The following DIAPH1 variants were observed in gnomAD, a reference collection of about 807,000 sequenced individuals.
The protein encoded by DIAPH1 is protein diaphanous homolog 1.
DIAPH1 carries 46 observed loss-of-function variants against 140.7 expected under a neutral mutation model. That is an observed-to-expected ratio of 0.33 (90% CI 0.26 to 0.42). The LOEUF (loss-of-function observed/expected upper bound fraction) is 0.42. Ranked by LOEUF, DIAPH1 falls within the 10% of genes least tolerant of loss-of-function variation. The probability of loss-of-function intolerance (pLI) is 1.00; values close to 1 mark genes in which losing one functional copy is unlikely to be tolerated. For synonymous variants in DIAPH1, 565 were observed against 551.6 expected (o/e 1.02, Z -0.34); for missense variants, 1,310 against 1,558.7 (o/e 0.84, Z 2.69).
intron 1 of DIAPH1, among the ~76,000 whole-genome samples, chr5:141,594,161 T>C (rs1333994912): frequency 6.6e-6 from 1 of 152,208 alleles, no homozygotes; most frequent in Non-Finnish European, 1.5e-5. Flanking sequence ...TCGAAGAGTT[T>C]CACAGTTTCT....
At position 141,578,362 on chromosome 5, in the gene DIAPH1, G is replaced by C; in HGVS notation, c.1045-19C>G. 6.3e-7 allele frequency: 1 copy of C among 1,599,468 alleles called. No individual in the cohort carries two copies. The highest frequency in any genetic ancestry group is 8.6e-7 in the Non-Finnish European group (1 of 1,166,676). On this transcript the variant is annotated intron_variant, in intron 10 of 27. Transcript: ENST00000389054. ...GAAGGTCCTGTCAACAACAAAAGTAGAAGTCAGGGAACCCAAAAGTATCCT... is the reference window on the plus strand; with the variant it reads ...GAAGGTCCTGTCAACAACAAAAGTACAAGTCAGGGAACCCAAAAGTATCCT...
Position 141,516,794 on chromosome 5 carries a change from G to A in DIAPH1, c.*57C>T. The stretch of plus-strand genomic sequence containing the variant: ...CCCCTTGAGCCTTTAGGCACATGCT[G>A]CAGGGCAGGACAGTCTGCGGCTCCG... On this transcript the variant is annotated 3_prime_UTR_variant, in exon 28 of 28. Coordinates refer to ENST00000389054, the MANE Select transcript of DIAPH1 (RefSeq NM_005219.5). 1 of 1,606,690 alleles carries A rather than the reference G, an allele frequency of 6.2e-7. No individual in the cohort carries two copies. Among genetic ancestry groups the A allele is most frequent in the East Asian group, 2.2e-5 (1 of 44,856 alleles).
intron 27 of DIAPH1, among the ~76,000 whole-genome samples, chr5:141,520,583 T>C (rs987235830): frequency 2.6e-5 from 4 of 152,196 alleles, no homozygotes; most frequent in African/African-American, 9.7e-5. Context: ...CGCCATGCTT[T>C]CTCTACAGTC....
chr5:141,540,725 T>C lies in DIAPH1; in HGVS notation c.2483-6292A>G, dbSNP rs968790665. ...GCCACTGCACCTGGTCTCAGGAAAA[T>C]TTTTAAACAGACATGTCACCAGCAC... On this transcript the variant is annotated intron_variant, in intron 18 of 27. Coordinates refer to ENST00000389054, the MANE Select transcript of DIAPH1 (RefSeq NM_005219.5). 2.7e-5 allele frequency among the ~76,000 whole-genome samples: 4 copies of C among 150,660 alleles called. No homozygotes were observed. The South Asian group carries it at 6.5e-4, about 25-fold the overall frequency.
At chr5:141,595,728 T>A (rs558207915) in intron 1 of DIAPH1, among the ~76,000 whole-genome samples, 6 of 152,314 alleles carry the variant, frequency 3.9e-5, no homozygotes, top group Admixed American at 2.6e-4. Flanking sequence ...ATTAAACCTC[T>A]TTCCTTTATA....
chr5:141,604,270 T>C (rs1482224329), intron 1 of DIAPH1, among the ~76,000 whole-genome samples: 1 of 152,226 alleles, frequency 6.6e-6, no homozygotes, highest in Non-Finnish European at 1.5e-5. Flanking sequence ...AATACAACTT[T>C]TGAATACATA....
chr5:141,577,624 T>C, intron 11 of DIAPH1, 33 bp from the exon 12 acceptor site: 2 of 1,378,588 alleles, frequency 1.5e-6, no homozygotes, highest in East Asian at 2.3e-5. Flanking sequence ...GGAAAGCAAA[T>C]ATGCAGAAAT....
intron 1 of DIAPH1, 130 bp downstream of exon 1, chr5:141,618,668 A>G: frequency 1.6e-6 from 1 of 620,080 alleles, no homozygotes; most frequent in Non-Finnish European, 2.9e-6. Flanking sequence ...AGAGCTGCGG[A>G]CCGAGCGAAA....
chr5:141,588,399 G>T, intron 1 of DIAPH1, 149 bp from the exon 2 acceptor site: 8 of 596,172 alleles, frequency 1.3e-5, no homozygotes, highest in Admixed American at 2.2e-5. Context: ...TTCTGTCAAA[G>T]TATTCCTTAG....
chr5:141,587,331 G>C lies in DIAPH1; in HGVS notation c.145-134C>G, dbSNP rs2099897690. 44 of 847,122 alleles carry C rather than the reference G, an allele frequency of 5.2e-5. 1 individual carries two copies. In the South Asian group the frequency reaches 6.3e-4, roughly 12 times the overall value. The allele number at this position is 847,122 out of a possible 1,614,324, so 52.5% of individuals were successfully genotyped here. A position where few individuals can be genotyped will look rare whatever the true frequency, so the allele number is the denominator to read the frequency against. ...TTCACAAGCAGTTCAAGACTCTTCT[G>C]ACATGAAAAGAAGAAATCAGTCTTC... is the stretch of plus-strand genomic sequence containing the variant. On this transcript the variant is annotated intron_variant, in intron 2 of 27. Transcript: ENST00000389054.
At chr5:141,591,436 G>C (rs1366182300) in intron 1 of DIAPH1, among the ~76,000 whole-genome samples, 1 of 151,506 alleles carries the variant, frequency 6.6e-6, no homozygotes, top group Non-Finnish European at 1.5e-5. Flanking sequence ...ATCTAGGCTT[G>C]CTTCCCTAAA....
intron 14 of DIAPH1, among the ~76,000 whole-genome samples, chr5:141,575,567 T>A (rs1230883607): frequency 6.6e-6 from 1 of 151,762 alleles, no homozygotes; most frequent in Non-Finnish European, 1.5e-5. Context: ...GAGAACTGCT[T>A]GAACCCAGGA....
At chr5:141,569,168 T>C (rs1042326326) in intron 18 of DIAPH1, among the ~76,000 whole-genome samples, 1 of 152,150 alleles carries the variant, frequency 6.6e-6, no homozygotes, top group African/African-American at 2.4e-5. Flanking sequence ...CAGAGGCTCT[T>C]AGGGCAAGTA....
Position 141,588,205 on chromosome 5 carries a change from C to G in DIAPH1, c.144+19G>C, listed in dbSNP as rs570074502. On this transcript the variant is annotated intron_variant, in intron 2 of 27. Coordinates refer to ENST00000389054, the MANE Select transcript of DIAPH1 (RefSeq NM_005219.5). ...GGCAATGAGCTAGAACATGCACATG[C>G]TAAACAAAATGTCCTTACCTCATCT... 6.2e-7 allele frequency: 1 copy of G among 1,605,650 alleles called. No individual in the cohort carries two copies. The highest frequency in any genetic ancestry group is 8.5e-7 in the Non-Finnish European group (1 of 1,172,494).
At chr5:141,617,938 G>A (rs1197046545) in intron 1 of DIAPH1, among the ~76,000 whole-genome samples, 1 of 152,202 alleles carries the variant, frequency 6.6e-6, no homozygotes, top group Non-Finnish European at 1.5e-5. Context: ...CAGTAGAAAA[G>A]GAGTAGAGGA....
chr5:141,583,037 T>C lies in DIAPH1; in HGVS notation c.620+169A>G, dbSNP rs180792286. Among the ~76,000 whole-genome samples, 583 of 152,318 alleles carry C rather than the reference T, an allele frequency of 3.8e-3. 3 individuals are homozygous for C. The highest frequency in any genetic ancestry group is 0.013 in the African/African-American group (525 of 41,546). Reference sequence around the variant, plus strand: ...GTTCCTCCTCCCTTTCCTGTATCTATAATCATCATTCATCCTCTAGCCACC... The same window carrying C: ...GTTCCTCCTCCCTTTCCTGTATCTACAATCATCATTCATCCTCTAGCCACC... On this transcript the variant is annotated intron_variant, in intron 6 of 27. Transcript: ENST00000389054.
At chr5:141,528,648 C>T in intron 22 of DIAPH1, 54 bp downstream of exon 22, 1 of 1,614,248 alleles carries the variant, frequency 6.2e-7, no homozygotes, top group South Asian at 1.1e-5. Flanking sequence ...CAACACTGAA[C>T]TCATAGAGGC....
Position 141,528,861 on chromosome 5 carries a change from G to C in DIAPH1, c.2859C>G (p.Ile953Met). 6.2e-7 allele frequency: 1 copy of C among 1,614,220 alleles called. No homozygotes were observed. The highest frequency in any genetic ancestry group is 8.5e-7 in the Non-Finnish European group (1 of 1,180,046). The change falls in exon 22 of 28, where the codon ATC (isoleucine) becomes ATG (methionine). Residue 953 changes from isoleucine to methionine, a missense_variant. Around this residue, in one of 3 missense-constraint regions of DIAPH1, gnomAD observed 344 missense variants for 512.2 expected, o/e 0.67. Coordinates refer to ENST00000389054, the MANE Select transcript of DIAPH1 (RefSeq NM_005219.5). ...CAGTGACAGACACAATCTCTGGCTT[G>C]ATATTCTCCACTTGCTCGCTGAATT... ...KLQFSEQVEN[I>M]KPEIVSVTAA... is the part of the protein sequence containing the mutation.
chr5:141,535,031 C>G (rs1205697646), intron 18 of DIAPH1, among the ~76,000 whole-genome samples: 2 of 152,184 alleles, frequency 1.3e-5, no homozygotes, highest in Admixed American at 1.3e-4. Flanking sequence ...TCACTTGCAG[C>G]CTTGACCTCT....
Sources: allele counts gnomAD v4.1 joint callset (sites outside exome capture counted in the v4.1 genomes callset), GRCh38; gene constraint gnomAD v4.1.1; regional missense constraint gnomAD v4.1.1; transcripts MANE v1.5; gene names NCBI Gene and HGNC (gene_info 2026-07-23, HGNC 2026-07-21).